The following ABLIM2 variants were observed in gnomAD, a reference collection of about 807,000 sequenced individuals.
ABLIM2 encodes the protein actin binding LIM protein family member 2.
Under a neutral mutation model 97.7 loss-of-function variants are expected in ABLIM2, and 53 were observed. The observed-to-expected ratio is 0.54, with a 90% CI of 0.44 to 0.68. The LOEUF (loss-of-function observed/expected upper bound fraction) is 0.68, where lower values mean the gene tolerates loss of function less well. Ranked by LOEUF, ABLIM2 falls within the 30% of genes least tolerant of loss-of-function variation. The pLI, the probability that ABLIM2 is intolerant of heterozygous loss-of-function variation, is 0.00. For missense variants in ABLIM2, 835 were observed against 867.2 expected, an observed-to-expected ratio of 0.96 and a Z score of 0.47; for synonymous variants, 361 against 345.8, an observed-to-expected ratio of 1.04 and a Z score of -0.49.
In ABLIM2 at chr4:8,147,228, C is replaced by G. The variant is rs565509287; in HGVS notation, c.10+11452G>C. On this transcript the variant is annotated intron_variant, in intron 1 of 20. Coordinates refer to ENST00000447017, the MANE Select transcript of ABLIM2 (RefSeq NM_001130083.2). This position sits in a 1 kb window ranked among gnomAD's most constrained non-coding sequence, Gnocchi z 5.3. ...ACAGTCTGTGACAGGATCTAACTCC[C>G]GGGACGTTTAAATTTAGCGAGTAAC... 1.3e-4 allele frequency among the ~76,000 whole-genome samples: 20 copies of G among 152,260 alleles called. No individual in the cohort carries two copies. In the East Asian group the frequency reaches 2.5e-3, roughly 19 times the overall value.
chr4:8,021,462 C>A lies in ABLIM2; in HGVS notation c.1268-1159G>T, dbSNP rs1173575608. 2.6e-5 allele frequency among the ~76,000 whole-genome samples: 4 copies of A among 152,226 alleles called. No homozygotes were observed. Among genetic ancestry groups the A allele is most frequent in the Admixed American group, 2.6e-4 (4 of 15,290 alleles). ...TGCCAGCCCCAGGAAGCCCCCTCAG[C>A]ACTAGGCAATGGGCTGCAAGGGGTA... On this transcript the variant is annotated intron_variant, in intron 12 of 20. Transcript: ENST00000447017. This position sits in a 1 kb window ranked among gnomAD's most constrained non-coding sequence, Gnocchi z 5.5.
Position 8,002,938 on chromosome 4 carries a change from C to T in ABLIM2, c.1618+5121G>A, listed in dbSNP as rs1435661744. Among the ~76,000 whole-genome samples, 2 of 152,230 alleles carry T rather than the reference C, an allele frequency of 1.3e-5. No homozygotes were observed. The highest frequency in any genetic ancestry group is 2.4e-5 in the African/African-American group (1 of 41,452). On this transcript the variant is annotated intron_variant, in intron 16 of 20. Coordinates refer to ENST00000447017, the MANE Select transcript of ABLIM2 (RefSeq NM_001130083.2). The surrounding 1 kb of genome is among the most constrained non-coding windows in gnomAD (Gnocchi z 6.1). ...CTGTATTTGAAAGTGCACCCTTCCCCCAGCCCTCTCTAGCCCTCTTAGCAC... is the reference window on the plus strand; with the variant it reads ...CTGTATTTGAAAGTGCACCCTTCCCTCAGCCCTCTCTAGCCCTCTTAGCAC...
At chr4:8,052,393 A>G (rs1449214912) in intron 8 of ABLIM2, among the ~76,000 whole-genome samples, 2 of 152,224 alleles carry the variant, frequency 1.3e-5, no homozygotes, top group Non-Finnish European at 2.9e-5. Flanking sequence ...GCGCAGCCTC[A>G]GGGTAGCTTG....
intron 9 of ABLIM2, among the ~76,000 whole-genome samples, chr4:8,040,094 T>C (rs1016058096): frequency 6.6e-6 from 1 of 152,186 alleles, no homozygotes; most frequent in Non-Finnish European, 1.5e-5. Context: ...GGTGCATTCC[T>C]GTGCACGTGA....
chr4:8,060,969 T>C lies in ABLIM2; in HGVS notation c.761A>G (p.Gln254Arg). Residue 254 changes from glutamine (Q) to arginine (R), a missense_variant and splice_region_variant, in exon 7 of 21, where the codon CAA (glutamine) becomes CGA (arginine). Physicochemically the swap from Gln to Arg is conservative, Grantham distance 43. Transcript: ENST00000447017. ...AAACAACACATTTTAATTTGTACCT[T>C]GAAGATACATCTCTTCGCCTTCTGC... is the stretch of plus-strand genomic sequence containing the variant. ...MFAEGEEMYL[Q>R]GSSIWHPACR... The C allele has an allele frequency of 6.3e-7, 1 of 1,584,480 alleles. No individual in the cohort carries two copies. The highest frequency in any genetic ancestry group is 1.8e-5 in the Admixed American group (1 of 55,300).
intron 6 of ABLIM2, among the ~76,000 whole-genome samples, chr4:8,064,616 C>T (rs148675410): frequency 0.014 from 2,201 of 152,298 alleles, 39 homozygotes; most frequent in Non-Finnish European, 0.024. Context: ...AACTAACACA[C>T]GCCGCACCCT....
At chr4:8,097,369 C>A in intron 2 of ABLIM2, 87 bp from the exon 3 acceptor site, 2 of 1,463,012 alleles carry the variant, frequency 1.4e-6, no homozygotes, top group Non-Finnish European at 1.8e-6. Context: ...CCTCCACACA[C>A]ACACCACCAC....
At position 8,015,752 on chromosome 4, in the gene ABLIM2, T is replaced by C. The variant is rs75120517; in HGVS notation, c.1423+3866A>G. ...TGCCATCTGGTGGCTCATGTTTGCT[T>C]AGAAATGAAACAGCAAATCTGGTGA... is the stretch of plus-strand genomic sequence containing the variant. On this transcript the variant is annotated intron_variant, in intron 14 of 20. Transcript: ENST00000447017. The surrounding 1 kb of genome is among the most constrained non-coding windows in gnomAD (Gnocchi z 4.6). Among the ~76,000 whole-genome samples, 3,218 of 152,138 alleles carry C rather than the reference T, an allele frequency of 0.021. 119 individuals carry two copies. The highest frequency in any genetic ancestry group is 0.071 in the African/African-American group (2,949 of 41,478).
chr4:8,143,183 G>A (rs1292842807), intron 1 of ABLIM2, among the ~76,000 whole-genome samples: 3 of 141,118 alleles, frequency 2.1e-5, no homozygotes, highest in African/African-American at 5.4e-5. Flanking sequence ...GTCTGCAAAT[G>A]CATCTCCTGG....
At chr4:8,153,281 C>T (rs1713732705) in intron 1 of ABLIM2, among the ~76,000 whole-genome samples, 2 of 152,158 alleles carry the variant, frequency 1.3e-5, no homozygotes, top group Non-Finnish European at 2.9e-5. Context: ...TAAGATTGAA[C>T]TTTCCAAGAG....
intron 1 of ABLIM2, among the ~76,000 whole-genome samples, chr4:8,118,257 G>A (rs1408677978): frequency 6.6e-6 from 1 of 152,158 alleles, no homozygotes; most frequent in Non-Finnish European, 1.5e-5. Context: ...CTGGGGAGAC[G>A]CCAGAGGACA....
rs1340826462 is a variant in ABLIM2 at position 8,071,711 on chromosome 4, C to T, written c.675+5917G>A. The T allele has an allele frequency of 5.1e-6, 5 of 982,484 alleles. No homozygotes were observed. The African/African-American group carries it at 8.7e-5, about 17-fold the overall frequency. The allele number at this position is 982,484 out of a possible 1,614,324, so 60.9% of individuals were successfully genotyped here. ...CCCAAAAACCCACCCACCCGCAGCC[C>T]CTCCTGGCCCCTGTGAGCCCCCATC... is the stretch of plus-strand genomic sequence containing the variant. On this transcript the variant is annotated intron_variant, in intron 6 of 20. Transcript: ENST00000447017. The surrounding 1 kb of genome is among the most constrained non-coding windows in gnomAD (Gnocchi z 6.2).
chr4:8,014,304 T>C (rs1767202313), intron 14 of ABLIM2, among the ~76,000 whole-genome samples: 1 of 152,254 alleles, frequency 6.6e-6, no homozygotes, highest in African/African-American at 2.4e-5. Flanking sequence ...GGACTTCGAA[T>C]AGCTGTGCAG....
At chr4:8,079,594 G>T (rs1818451715) in intron 5 of ABLIM2, among the ~76,000 whole-genome samples, 1 of 152,100 alleles carries the variant, frequency 6.6e-6, no homozygotes, top group Non-Finnish European at 1.5e-5. Context: ...CCCAGCAGTT[G>T]TAAGAAACAA....
chr4:8,004,233 C>T lies in ABLIM2; in HGVS notation c.1618+3826G>A, dbSNP rs1578392433. ...CAAGCACCTCCCACCAGACATGGGA[C>T]TCCGCCCGGTCCCACAGCGAGAGGA... On this transcript the variant is annotated intron_variant, in intron 16 of 20. Coordinates refer to ENST00000447017, the MANE Select transcript of ABLIM2 (RefSeq NM_001130083.2). This position sits in a 1 kb window ranked among gnomAD's most constrained non-coding sequence, Gnocchi z 5.9. 6.6e-6 allele frequency among the ~76,000 whole-genome samples: 1 copy of T among 151,892 alleles called. No individual in the cohort carries two copies. Among genetic ancestry groups the T allele is most frequent in the South Asian group, 2.1e-4 (1 of 4,800 alleles).
At chr4:8,047,122 T>A (rs1016161337) in intron 8 of ABLIM2, among the ~76,000 whole-genome samples, 8 of 152,182 alleles carry the variant, frequency 5.3e-5, no homozygotes, top group Non-Finnish European at 1.0e-4. Flanking sequence ...GCGCCGGATG[T>A]GGGGCCACGT....
chr4:8,105,300 C>G (rs185159928), intron 2 of ABLIM2, among the ~76,000 whole-genome samples: 1 of 152,310 alleles, frequency 6.6e-6, no homozygotes, highest in Non-Finnish European at 1.5e-5. Flanking sequence ...TTGGTTTTTA[C>G]TATAAAAAGC....
rs989610741 is a variant in ABLIM2 at position 8,123,476 on chromosome 4, T to G, written c.11-16839A>C. Among the ~76,000 whole-genome samples, 18 of 152,318 alleles carry G rather than the reference T, an allele frequency of 1.2e-4. No homozygotes were observed. Among genetic ancestry groups the G allele is most frequent in the African/African-American group, 4.1e-4 (17 of 41,578 alleles). On this transcript the variant is annotated intron_variant, in intron 1 of 20. Coordinates refer to ENST00000447017, the MANE Select transcript of ABLIM2 (RefSeq NM_001130083.2). The surrounding 1 kb of genome is among the most constrained non-coding windows in gnomAD (Gnocchi z 6.2). ...CCTCAAATTCCTGACCCTTCTCATGTTCTCCTGATCTGCTGATTCAAGGGA... is the reference window on the plus strand; with the variant it reads ...CCTCAAATTCCTGACCCTTCTCATGGTCTCCTGATCTGCTGATTCAAGGGA...
At position 8,132,550 on chromosome 4, in the gene ABLIM2, C is replaced by G. The variant is rs995377121; in HGVS notation, c.11-25913G>C. Among the ~76,000 whole-genome samples, 30 of 152,304 alleles carry G rather than the reference C, an allele frequency of 2.0e-4. No individual in the cohort carries two copies. The highest frequency in any genetic ancestry group is 3.1e-4 in the Non-Finnish European group (21 of 68,024). On this transcript the variant is annotated intron_variant, in intron 1 of 20. Coordinates refer to ENST00000447017, the MANE Select transcript of ABLIM2 (RefSeq NM_001130083.2). This position sits in a 1 kb window ranked among gnomAD's most constrained non-coding sequence, Gnocchi z 8.0. Reference sequence around the variant, plus strand: ...AGTGCTGGATGCCTCCGTGGGGATGCTCCAGGCACCTCACGGTCAGAAAAC... The same window carrying G: ...AGTGCTGGATGCCTCCGTGGGGATGGTCCAGGCACCTCACGGTCAGAAAAC...
Sources: allele counts gnomAD v4.1 joint callset (sites outside exome capture counted in the v4.1 genomes callset), GRCh38; gene constraint gnomAD v4.1.1; non-coding constraint Gnocchi (gnomAD v3.1); transcripts MANE v1.5; gene names NCBI Gene and HGNC (gene_info 2026-07-23, HGNC 2026-07-21).